CACNB2: variants seen among roughly 807,000 people sequenced by gnomAD.
CACNB2 encodes the protein voltage-dependent L-type calcium channel subunit beta-2.
Under a neutral mutation model 73.3 loss-of-function variants are expected in CACNB2, and 42 were observed. The observed-to-expected ratio is 0.57, with a 90% confidence interval of 0.45 to 0.74. The LOEUF (loss-of-function observed/expected upper bound fraction) is 0.74, where lower values mean the gene tolerates loss of function less well. Among genes scored for constraint, CACNB2 ranks in the 30% least tolerant of loss-of-function variants. The pLI is 0.00. For synonymous variants in CACNB2, 348 were observed against 310.3 expected (o/e 1.12, Z -1.28); for missense variants, 940 against 853.0 (o/e 1.10, Z -1.27).
At chr10:18,524,375 G>A (rs2052236923) in intron 9 of CACNB2, among the ~76,000 whole-genome samples, 1 of 152,212 alleles carries the variant, frequency 6.6e-6, no homozygotes, top group East Asian at 1.9e-4. Context: ...TAATCCTGAG[G>A]CTGAGCACAG....
At chr10:18,327,199 G>A (rs1303367400) in intron 2 of CACNB2, among the ~76,000 whole-genome samples, 2 of 151,998 alleles carry the variant, frequency 1.3e-5, no homozygotes, top group African/African-American at 4.8e-5. Flanking sequence ...GAGCACCTGT[G>A]GATTTGAGGG....
At chr10:18,495,824 C>G (rs1387962808) in intron 3 of CACNB2, among the ~76,000 whole-genome samples, 2 of 151,900 alleles carry the variant, frequency 1.3e-5, no homozygotes, top group Admixed American at 1.3e-4. Flanking sequence ...TACTTAAGAA[C>G]ATTTCTAGAA....
chr10:18,199,941 C>CTGTGTA (rs1554768682), intron 2 of CACNB2, among the ~76,000 whole-genome samples: 7 of 136,412 alleles, frequency 5.1e-5, no homozygotes, highest in African/African-American at 1.9e-4. Flanking sequence ...GTATATGAAA[C>CTGTGTA]TGTGTGTGTG....
At chr10:18,415,439 C>G (rs1447951450) in intron 3 of CACNB2, among the ~76,000 whole-genome samples, 1 of 150,892 alleles carries the variant, frequency 6.6e-6, no homozygotes, top group African/African-American at 2.4e-5. Flanking sequence ...ATACTCCAGC[C>G]TGCATGACAC....
At chr10:18,511,424 A>G (rs2050776600) in intron 6 of CACNB2, among the ~76,000 whole-genome samples, 1 of 152,216 alleles carries the variant, frequency 6.6e-6, no homozygotes, top group Non-Finnish European at 1.5e-5. Flanking sequence ...CAAAACTGAA[A>G]AATAATGTAA....
chr10:18,540,361 C>CTATT lies in CACNB2; in HGVS notation c.*639_*642dup, dbSNP rs2054006671. 1.3e-5 allele frequency: 2 copies of CTATT among 151,950 alleles called. No individual in the cohort carries two copies. The highest frequency in any genetic ancestry group is 2.9e-5 in the Non-Finnish European group (2 of 67,940). 9.4% of individuals were successfully genotyped at this position (151,950 alleles called of 1,614,324 possible). A position where few individuals can be genotyped will look rare whatever the true frequency, so the allele number is the denominator to read the frequency against. On this transcript the variant is annotated 3_prime_UTR_variant, in exon 14 of 14. Coordinates refer to ENST00000324631, the MANE Select transcript of CACNB2 (RefSeq NM_201596.3). ...ATATATATATATCAGTTTGATCACA[C>CTATT]TATTTTAGAGTCTTAATGCCAAGTC...
chr10:18,425,579 G>A (rs11014187), intron 3 of CACNB2, among the ~76,000 whole-genome samples: 1 of 152,042 alleles, frequency 6.6e-6, no homozygotes, highest in Non-Finnish European at 1.5e-5. Context: ...GAGTTGGGGG[G>A]GTTGCTTGAG....
chr10:18,205,316 T>C (rs1211812150), intron 2 of CACNB2, among the ~76,000 whole-genome samples: 1 of 152,214 alleles, frequency 6.6e-6, no homozygotes, highest in Non-Finnish European at 1.5e-5. Context: ...CTAACTCATA[T>C]AGTTATTGTG....
chr10:18,373,686 T>A (rs1202149877), intron 2 of CACNB2, among the ~76,000 whole-genome samples: 2 of 152,248 alleles, frequency 1.3e-5, no homozygotes, highest in Non-Finnish European at 2.9e-5. Flanking sequence ...CCTTTGAGGT[T>A]AGCCTAGATG....
At chr10:18,177,352 G>T (rs770520633) in intron 2 of CACNB2, among the ~76,000 whole-genome samples, 14 of 151,908 alleles carry the variant, frequency 9.2e-5, no homozygotes, top group Non-Finnish European at 1.5e-4. Context: ...GGGCACAGTG[G>T]CTCATGCCTA....
At chr10:18,226,372 A>C (rs11013076) in intron 2 of CACNB2, among the ~76,000 whole-genome samples, 2,371 of 152,280 alleles carry the variant, frequency 0.016, 50 homozygotes, top group East Asian at 0.11. Context: ...ACTTCAGCAG[A>C]AGCTGGATCC....
intron 2 of CACNB2, among the ~76,000 whole-genome samples, chr10:18,282,055 GGGCCCCC>G: frequency 6.6e-6 from 1 of 150,384 alleles, no homozygotes; most frequent in African/African-American, 2.5e-5. Flanking sequence ...GATTCCATCA[GGGCCCCC>G]TGGAAGATGT....
intron 3 of CACNB2, among the ~76,000 whole-genome samples, chr10:18,461,431 A>G (rs2047570146): frequency 6.6e-6 from 1 of 152,030 alleles, no homozygotes; most frequent in Non-Finnish European, 1.5e-5. Context: ...TTTCAAATCC[A>G]GTGTTCATGA....
At chr10:18,289,292 G>GTT (rs1218890630) in intron 2 of CACNB2, among the ~76,000 whole-genome samples, 1 of 55,614 alleles carries the variant, frequency 1.8e-5, no homozygotes, top group Non-Finnish European at 3.5e-5. Context: ...TTGTTTTTTT[G>GTT]TTTTGTTTTT....
At chr10:18,442,996 ATGTGTATATATATATATG>A (rs2046534543) in intron 3 of CACNB2, among the ~76,000 whole-genome samples, 1 of 16,452 alleles carries the variant, frequency 6.1e-5, no homozygotes, top group Admixed American at 6.2e-4. Flanking sequence ...GTATATATAT[ATGTGTATATATATATATG>A]TATATATATA....
At chr10:18,390,272 G>T (rs760296712) in intron 2 of CACNB2, among the ~76,000 whole-genome samples, 4 of 152,234 alleles carry the variant, frequency 2.6e-5, no homozygotes, top group Non-Finnish European at 5.9e-5. Context: ...GAGTGCAGTG[G>T]CATGATCTTG....
At chr10:18,330,498 A>T (rs947189932) in intron 2 of CACNB2, among the ~76,000 whole-genome samples, 1 of 151,990 alleles carries the variant, frequency 6.6e-6, no homozygotes, top group Non-Finnish European at 1.5e-5. Context: ...ACATTGAAAG[A>T]TTAGCCAGGT....
intron 3 of CACNB2, among the ~76,000 whole-genome samples, chr10:18,447,325 G>A (rs1324674460): frequency 6.6e-6 from 1 of 152,174 alleles, no homozygotes; most frequent in African/African-American, 2.4e-5. Flanking sequence ...TGTGGAAGTA[G>A]AGCTAAGATG....
chr10:18,332,526 A>T (rs2040845378), intron 2 of CACNB2, among the ~76,000 whole-genome samples: 2 of 152,238 alleles, frequency 1.3e-5, no homozygotes, highest in Non-Finnish European at 2.9e-5. Flanking sequence ...AACCTCGCAG[A>T]AACAAAGAGT....
Sources: gnomAD v4.1 joint callset for allele counts (sites outside exome capture counted in the v4.1 genomes callset) on GRCh38, gnomAD v4.1.1 for gene constraint, MANE v1.5 for transcripts, NCBI Gene and HGNC (gene_info 2026-07-23, HGNC 2026-07-21) for gene names.